The following DNAJC5 variants were observed in gnomAD, a reference collection of about 807,000 sequenced individuals.
DNAJC5 encodes the protein DnaJ heat shock protein family (Hsp40) member C5.
In DNAJC5, 1 loss-of-function variant was observed where a neutral mutation model predicts 23.2. The observed-to-expected ratio is 0.04, with a 90% CI of 0.02 to 0.20. The LOEUF (loss-of-function observed/expected upper bound fraction) is 0.20, where lower values mean the gene tolerates loss of function less well. Ranked by LOEUF, DNAJC5 falls within the 10% of genes least tolerant of loss-of-function variation. The pLI is 1.00. For synonymous variants in DNAJC5, 136 were observed against 120.0 expected, an observed-to-expected ratio of 1.13 and a Z score of -0.87; for missense variants, 180 against 267.0, an observed-to-expected ratio of 0.67 and a Z score of 2.27.
At chr20:63,895,641 A>T (rs2053369777) in intron 1 of DNAJC5, among the ~76,000 whole-genome samples, 1 of 151,024 alleles carries the variant, frequency 6.6e-6, no homozygotes, top group Non-Finnish European at 1.5e-5. Flanking sequence ...CCGCTCCCCC[A>T]GGTCCCCGCG....
In DNAJC5 at chr20:63,895,274, AGCGGAGCC is replaced by A. The variant is rs1345043761; in HGVS notation, c.-51_-44del. ...TGCCCAGCAGCGCCGCGAATCGGGG[AGCGGAGCC>A]GCGGAGCCGGCGGGAGGGCGGGCGG... On this transcript the variant is annotated 5_prime_UTR_variant, in exon 1 of 5. Coordinates refer to ENST00000360864, the MANE Select transcript of DNAJC5 (RefSeq NM_025219.3). 2 of 147,174 alleles carry A rather than the reference AGCGGAGCC, an allele frequency of 1.4e-5. No individual in the cohort carries two copies. Among genetic ancestry groups the A allele is most frequent in the East Asian group, 2.0e-4 (1 of 5,070 alleles). 9.1% of individuals were successfully genotyped at this position (147,174 alleles called of 1,614,324 possible).
At position 63,930,985 on chromosome 20, in the gene DNAJC5, C is replaced by G; in HGVS notation, c.456C>G (p.Pro152=). 1 of 1,614,090 alleles carries G rather than the reference C, an allele frequency of 6.2e-7. No individual in the cohort carries two copies. The highest frequency in any genetic ancestry group is 8.5e-7 in the Non-Finnish European group (1 of 1,180,044). ...EGEETEFYVS[P]EDLEAQLQSD... ...AGGAGACGGAGTTCTACGTGTCCCC[C>G]GAGGATCTGGAGGCACAGCTGCAGT... is the stretch of plus-strand genomic sequence containing the variant. The change falls in exon 4 of 5, where the codon CCC becomes CCG. Residue 152 remains proline (P), a synonymous_variant. Transcript: ENST00000360864.
At chr20:63,927,669 G>A (rs2427567) in intron 1 of DNAJC5, among the ~76,000 whole-genome samples, 25,811 of 152,018 alleles carry the variant, frequency 0.17, 3,983 homozygotes, top group East Asian at 0.48. Flanking sequence ...CTGTTCTGTC[G>A]ATTTCTGAGA....
In DNAJC5 at chr20:63,928,517, C is replaced by T. The variant is rs2146304136; in HGVS notation, c.107+65C>T. 4 of 1,354,934 alleles carry T rather than the reference C, an allele frequency of 3.0e-6. No homozygotes were observed. Among genetic ancestry groups the T allele is most frequent in the East Asian group, 2.3e-5 (1 of 43,612 alleles). The allele number at this position is 1,354,934 out of a possible 1,614,324, so 83.9% of individuals were successfully genotyped here. ...ACACACATGCCCCGTGTGGTTTAGT[C>T]TGCATTTTACCAAGAACCATTGCAC... On this transcript the variant is annotated intron_variant, in intron 2 of 4. Coordinates refer to ENST00000360864, the MANE Select transcript of DNAJC5 (RefSeq NM_025219.3). This position sits in a 1 kb window ranked among gnomAD's most constrained non-coding sequence, Gnocchi z 4.6.
At chr20:63,896,063 T>G (rs2053373541) in intron 1 of DNAJC5, among the ~76,000 whole-genome samples, 1 of 152,198 alleles carries the variant, frequency 6.6e-6, no homozygotes, top group Non-Finnish European at 1.5e-5. Flanking sequence ...TCAGCTTTAT[T>G]TTTGTTTTCC....
In DNAJC5 at chr20:63,928,250, G is replaced by C. The variant is rs956158014; in HGVS notation, c.-11-85G>C. 28 of 1,110,286 alleles carry C rather than the reference G, an allele frequency of 2.5e-5. No homozygotes were observed. The South Asian group carries it at 3.4e-4, about 14-fold the overall frequency. The allele number at this position is 1,110,286 out of a possible 1,614,324, so 68.8% of individuals were successfully genotyped here. On this transcript the variant is annotated intron_variant, in intron 1 of 4. Transcript: ENST00000360864. This position sits in a 1 kb window ranked among gnomAD's most constrained non-coding sequence, Gnocchi z 4.6. ...AGTGTTGGATTCTTTTGCTTTGAAC[G>C]GTCTTATGGAATAAAGTCCATCAGC...
At chr20:63,922,466 CAAA>C (rs71333725) in intron 1 of DNAJC5, among the ~76,000 whole-genome samples, 5 of 117,316 alleles carry the variant, frequency 4.3e-5, no homozygotes, top group African/African-American at 6.0e-5. Context: ...GACTCTGTCT[CAAA>C]AAAAAAAAAA....
At chr20:63,910,063 A>G (rs1163112704) in intron 1 of DNAJC5, among the ~76,000 whole-genome samples, 1 of 152,190 alleles carries the variant, frequency 6.6e-6, no homozygotes, top group East Asian at 1.9e-4. Flanking sequence ...TTTGACCAGC[A>G]GTGCTGCGGT....
Position 63,930,841 on chromosome 20 carries a change from C to T in DNAJC5, c.322-10C>T, listed in dbSNP as rs78457562. 116,842 of 1,612,042 alleles carry T rather than the reference C, an allele frequency of 0.072. 4,963 individuals carry two copies. Among genetic ancestry groups the T allele is most frequent in the Non-Finnish European group, 0.075 (88,838 of 1,179,862 alleles). ...GGAGGCCATGCAACACCACCTTCTT[C>T]TCCCCCCAGGCCCTGTTTGTCTTCT... On this transcript the variant is annotated splice_polypyrimidine_tract_variant and intron_variant, in intron 3 of 4. Transcript: ENST00000360864.
At chr20:63,906,144 T>C (rs2146275951) in intron 1 of DNAJC5, among the ~76,000 whole-genome samples, 1 of 152,328 alleles carries the variant, frequency 6.6e-6, no homozygotes, top group Non-Finnish European at 1.5e-5. Flanking sequence ...ATAAAACATG[T>C]ATTAAGCTTT....
chr20:63,898,679 T>TA (rs1451367448), intron 1 of DNAJC5, among the ~76,000 whole-genome samples: 1 of 152,036 alleles, frequency 6.6e-6, no homozygotes, highest in East Asian at 1.9e-4. Flanking sequence ...CTGTCTCTAC[T>TA]AAAAATACAA....
intron 1 of DNAJC5, among the ~76,000 whole-genome samples, chr20:63,907,586 TCA>T (rs1243502738): frequency 2.0e-5 from 3 of 152,168 alleles, no homozygotes; most frequent in Non-Finnish European, 4.4e-5. Flanking sequence ...CAGGCCCGTC[TCA>T]CAGGCCTCTT....
rs1248387463 is a variant in DNAJC5 at position 63,920,268 on chromosome 20, G to A, written c.-11-8067G>A. ...AGGGAGCAGGGCAGGGTGTTGAAGA[G>A]ACGGCAGGTGCGTCAGGGGCTGACG... On this transcript the variant is annotated intron_variant, in intron 1 of 4. Coordinates refer to ENST00000360864, the MANE Select transcript of DNAJC5 (RefSeq NM_025219.3). This position sits in a 1 kb window ranked among gnomAD's most constrained non-coding sequence, Gnocchi z 4.6. 1.3e-5 allele frequency among the ~76,000 whole-genome samples: 2 copies of A among 152,262 alleles called. No homozygotes were observed. Among genetic ancestry groups the A allele is most frequent in the Non-Finnish European group, 2.9e-5 (2 of 68,042 alleles).
chr20:63,895,194 T>TGCC lies in DNAJC5; in HGVS notation c.-122_-120dup, dbSNP rs531246320. ...CTGCCGGTGCCGCACCCGCGCCCTC[T>TGCC]GCCGCCGCCGCCGCCGCCGCCCGGG... On this transcript the variant is annotated 5_prime_UTR_variant, in exon 1 of 5. Transcript: ENST00000360864. The TGCC allele has an allele frequency of 0.085, 13,028 of 153,670 alleles. 649 individuals are homozygous for TGCC. Among genetic ancestry groups the TGCC allele is most frequent in the East Asian group, 0.14 (721 of 5,316 alleles). The allele number at this position is 153,670 out of a possible 1,614,324, so 9.5% of individuals were successfully genotyped here.
At chr20:63,906,478 ACT>A (rs2053448937) in intron 1 of DNAJC5, among the ~76,000 whole-genome samples, 2 of 151,498 alleles carry the variant, frequency 1.3e-5, no homozygotes, top group South Asian at 4.2e-4. Flanking sequence ...CAATAGAAAG[ACT>A]CTGTCTTAAT....
In DNAJC5 at chr20:63,930,969, A is replaced by C; in HGVS notation, c.440A>C (p.Glu147Ala). The change falls in exon 4 of 5, where the codon GAG becomes GCG. Residue 147 changes from glutamate (E) to alanine (A), a missense_variant. Glu to Ala is a moderately radical substitution (Grantham distance 107). This residue lies in a region of DNAJC5 where 97 missense variants were observed against 123.4 expected (regional missense o/e 0.79). Coordinates refer to ENST00000360864, the MANE Select transcript of DNAJC5 (RefSeq NM_025219.3). ...KPKAPEGEET[E>A]FYVSPEDLEA... ...AAGGCGCCTGAAGGCGAGGAGACGG[A>C]GTTCTACGTGTCCCCCGAGGATCTG... The C allele has an allele frequency of 6.2e-7, 1 of 1,614,138 alleles. No individual in the cohort carries two copies. Among genetic ancestry groups the C allele is most frequent in the South Asian group, 1.1e-5 (1 of 91,090 alleles).
At position 63,905,568 on chromosome 20, in the gene DNAJC5, A is replaced by AT. The variant is rs543822378; in HGVS notation, c.-12+10263dup. On this transcript the variant is annotated intron_variant, in intron 1 of 4. Transcript: ENST00000360864. ...CACCACACATGACCGCACATGGCAG[A>AT]TTTTTTTTTTTTTTTTTTCACGGAG... is the stretch of plus-strand genomic sequence containing the variant. Among the ~76,000 whole-genome samples, 1,076 of 130,102 alleles carry AT rather than the reference A, an allele frequency of 8.3e-3. 4 individuals carry two copies. Among genetic ancestry groups the AT allele is most frequent in the Non-Finnish European group, 0.011 (655 of 61,006 alleles). The allele number at this position is 130,102 out of a possible 152,430, so 85.4% of individuals were successfully genotyped here.
Position 63,928,537 on chromosome 20 carries a change from T to C in DNAJC5, c.107+85T>C, listed in dbSNP as rs551184115. The C allele has an allele frequency of 6.2e-6, 7 of 1,130,684 alleles. No individual in the cohort carries two copies. The East Asian group carries it at 9.5e-5, about 15-fold the overall frequency. The allele number at this position is 1,130,684 out of a possible 1,614,324, so 70.0% of individuals were successfully genotyped here. On this transcript the variant is annotated intron_variant, in intron 2 of 4. Transcript: ENST00000360864. The surrounding 1 kb of genome is among the most constrained non-coding windows in gnomAD (Gnocchi z 4.6). ...TTAGTCTGCATTTTACCAAGAACCA[T>C]TGCACATACTTTATCCTGGCCGACT...
intron 1 of DNAJC5, among the ~76,000 whole-genome samples, chr20:63,899,903 T>C (rs6011214): frequency 7.8e-6 from 1 of 128,690 alleles, no homozygotes; most frequent in African/African-American, 3.0e-5. Flanking sequence ...TTTTTTTTGG[T>C]TGGGGGACGG....
Sources: allele counts gnomAD v4.1 joint callset (sites outside exome capture counted in the v4.1 genomes callset), GRCh38; gene constraint gnomAD v4.1.1; regional missense constraint gnomAD v4.1.1; non-coding constraint Gnocchi (gnomAD v3.1); transcripts MANE v1.5; gene names NCBI Gene and HGNC (gene_info 2026-07-23, HGNC 2026-07-21).